Variants in MAPK15 observed in about 807,000 individuals in gnomAD.
MAPK15 encodes mitogen-activated protein kinase 15, also known as ERK-7.
MAPK15 carries 61 observed loss-of-function variants against 60.8 expected under a neutral mutation model. That is an observed-to-expected ratio of 1.00 (90% CI 0.82 to 1.24). MAPK15 has a LOEUF of 1.24. MAPK15 is among the 50% of genes most tolerant of loss of function. The pLI is 0.00. For missense variants in MAPK15, 808 were observed against 741.1 expected (o/e 1.09, Z -1.05); for synonymous variants, 356 against 319.9 (o/e 1.11, Z -1.21).
At position 143,721,670 on chromosome 8, in the gene MAPK15, G is replaced by A. The variant is rs369764211; in HGVS notation, c.1326G>A (p.Ser442=). The A allele has an allele frequency of 4.0e-5, 64 of 1,608,630 alleles. No individual in the cohort carries two copies. The highest frequency in any genetic ancestry group is 6.7e-5 in the African/African-American group (5 of 74,810). The change falls in exon 12 of 14, where the codon TCG becomes TCA. Residue 442 remains serine, a synonymous_variant. Transcript: ENST00000338033. ...AGGAAGCGCCCCCCTTGACACTCTCGCTGGTAAGTCATGGTGGGGCGGGCA... is the reference window on the plus strand; with the variant it reads ...AGGAAGCGCCCCCCTTGACACTCTCACTGGTAAGTCATGGTGGGGCGGGCA... ...GAKEAPPLTL[S]LVKPSGRGAA... is the part of the protein sequence containing the mutation.
At chr8:143,716,479 C>T (rs782767808) in intron 1 of MAPK15, 36 bp downstream of exon 1, 4 of 1,581,144 alleles carry the variant, frequency 2.5e-6, no homozygotes, top group South Asian at 1.1e-5. Flanking sequence ...CGCCGAGGGG[C>T]GCGGCAGATC....
At chr8:143,717,651 TG>T (rs782492034) in intron 1 of MAPK15, 42 bp from the exon 2 acceptor site, 2 of 1,495,800 alleles carry the variant, frequency 1.3e-6, no homozygotes, top group African/African-American at 1.4e-5. Flanking sequence ...GGGCAGGGGA[TG>T]GGGGGAAGGG....
Position 143,721,811 on chromosome 8 carries a change from G to A in MAPK15, c.1389G>A (p.Val463=). 5 of 1,612,468 alleles carry A rather than the reference G, an allele frequency of 3.1e-6. No homozygotes were observed. Among genetic ancestry groups the A allele is most frequent in the East Asian group, 4.5e-5 (2 of 44,868 alleles). The change falls in exon 13 of 14, where the codon GTG becomes GTA. Residue 463 remains valine (V), a synonymous_variant. Transcript: ENST00000338033. The stretch of plus-strand genomic sequence containing the variant: ...TGACCTCCCAGGCTGCGGCTCAGGT[G>A]GCCAACCAGGCCCTGATCCGGGGTG... ...PSLTSQAAAQ[V]ANQALIRGDW...
rs1817812213 is a variant in MAPK15, at chr8:143,716,446, G to A, written c.66+3G>A. ...TCAGGCGGCAGCTCGGGCAGGGGGT[G>A]AGTGCCTGGGGGTGCGTCCGCGCGC... On this transcript the variant is annotated splice_donor_region_variant and intron_variant, in intron 1 of 13. Coordinates refer to ENST00000338033, the MANE Select transcript of MAPK15 (RefSeq NM_139021.3). The A allele has an allele frequency of 6.2e-7, 1 of 1,600,840 alleles. No individual in the cohort carries two copies. Among genetic ancestry groups the A allele is most frequent in the African/African-American group, 1.4e-5 (1 of 73,464 alleles).
chr8:143,722,353 G>T lies in MAPK15; in HGVS notation c.*102G>T. The T allele has an allele frequency of 8.8e-7, 1 of 1,130,998 alleles. No homozygotes were observed. Among genetic ancestry groups the T allele is most frequent in the South Asian group, 1.7e-5 (1 of 60,406 alleles). 70.1% of individuals were successfully genotyped at this position (1,130,998 alleles called of 1,614,324 possible). A position where few individuals can be genotyped will look rare whatever the true frequency, so the allele number is the denominator to read the frequency against. ...CCCTTAGCCCTCCCTGCTTTGCCTG[G>T]CCCGTTGAAGTTCCAGGGAGCTTGC... On this transcript the variant is annotated 3_prime_UTR_variant, in exon 14 of 14. Transcript: ENST00000338033.
In MAPK15 at chr8:143,720,270, G is replaced by T; in HGVS notation, c.762G>T (p.Leu254=). Residue 254 remains leucine (L), a synonymous_variant, in exon 8 of 14, where the codon CTG becomes CTT. Transcript: ENST00000338033. This position sits in a 1 kb window ranked among gnomAD's most constrained non-coding sequence, Gnocchi z 4.6. ...ALGSGCRASV[L]HQLGSRPRQT... ...GCTCAGGCTGCCGTGCCTCTGTGCTGCACCAGCTGGGGTCCCGGTGAGTGG... is the reference window on the plus strand; with the variant it reads ...GCTCAGGCTGCCGTGCCTCTGTGCTTCACCAGCTGGGGTCCCGGTGAGTGG... 6.3e-7 allele frequency: 1 copy of T among 1,589,732 alleles called. No individual in the cohort carries two copies. The highest frequency in any genetic ancestry group is 1.1e-5 in the South Asian group (1 of 87,066).
intron 7 of MAPK15, among the ~76,000 whole-genome samples, chr8:143,719,788 T>A (rs2131578403): frequency 6.6e-6 from 1 of 152,066 alleles, no homozygotes; most frequent in East Asian, 1.9e-4. Flanking sequence ...GCAGGGACTG[T>A]CACTGTGCCG....
At chr8:143,719,193 C>A in intron 6 of MAPK15, 37 bp downstream of exon 6, 1 of 1,507,202 alleles carries the variant, frequency 6.6e-7, no homozygotes, top group Non-Finnish European at 8.9e-7. Flanking sequence ...CCTCCACCTC[C>A]CTGCTGCCCT....
chr8:143,717,176 A>G (rs1236266634), intron 1 of MAPK15, among the ~76,000 whole-genome samples: 2 of 152,056 alleles, frequency 1.3e-5, no homozygotes, highest in Admixed American at 6.5e-5. Context: ...GTGTCACTTT[A>G]CAAGGCCCAC....
At chr8:143,719,230 C>T in intron 6 of MAPK15, 74 bp downstream of exon 6, 2 of 1,506,620 alleles carry the variant, frequency 1.3e-6, no homozygotes, top group Non-Finnish European at 1.8e-6. Context: ...TCCCAGGCCT[C>T]CCGTACTCCG....
intron 3 of MAPK15, 24 bp from the exon 4 acceptor site, chr8:143,718,188 A>G: frequency 1.9e-6 from 3 of 1,613,686 alleles, no homozygotes; most frequent in Non-Finnish European, 2.5e-6. Flanking sequence ...CTGGCCTTCC[A>G]GCCGCCTCCG....
chr8:143,722,211 C>T lies in MAPK15; in HGVS notation c.1595C>T (p.Ala532Val), dbSNP rs1818111824. Reference protein sequence around the residue: ...SQAYGTVCHSALGHLPLLEGH... With the variant: ...SQAYGTVCHSVLGHLPLLEGH... Reference sequence around the variant, plus strand: ...GCCTACGGGACTGTCTGCCACTCGGCACTGGGCCACCTGCCCCTGCTGGAG... The same window carrying T: ...GCCTACGGGACTGTCTGCCACTCGGTACTGGGCCACCTGCCCCTGCTGGAG... Residue 532 changes from alanine (A) to valine (V), a missense_variant, in exon 14 of 14, where the codon GCA becomes GTA. Physicochemically the swap from Ala to Val is moderately conservative, Grantham distance 64 (BLOSUM62 0). Transcript: ENST00000338033. The T allele has an allele frequency of 6.2e-7, 1 of 1,602,828 alleles. No homozygotes were observed. The highest frequency in any genetic ancestry group is 8.5e-7 in the Non-Finnish European group (1 of 1,174,390).
At chr8:143,716,486 G>T in intron 1 of MAPK15, 43 bp downstream of exon 1, 1 of 1,571,628 alleles carries the variant, frequency 6.4e-7, no homozygotes, top group African/African-American at 1.4e-5. Context: ...GGGCGCGGCA[G>T]ATCTGCGGAG....
chr8:143,717,619 T>C (rs1244837520), intron 1 of MAPK15, 75 bp from the exon 2 acceptor site: 1 of 1,292,100 alleles, frequency 7.7e-7, no homozygotes, highest in East Asian at 2.5e-5. Flanking sequence ...AGGAGCCTCA[T>C]GTCTGTAGGG....
chr8:143,717,872 T>G (rs1817873502), intron 2 of MAPK15, 80 bp downstream of exon 2: 2 of 1,519,996 alleles, frequency 1.3e-6, no homozygotes, highest in Non-Finnish European at 9.1e-7. Context: ...GAAGCTCAGG[T>G]GGGAGCTGGA....
In MAPK15 at chr8:143,720,900, C is replaced by T. The variant is rs1274820361; in HGVS notation, c.917+60C>T. On this transcript the variant is annotated intron_variant, in intron 9 of 13. Coordinates refer to ENST00000338033, the MANE Select transcript of MAPK15 (RefSeq NM_139021.3). The surrounding 1 kb of genome is among the most constrained non-coding windows in gnomAD (Gnocchi z 4.6). ...GACAGAGGTGGGGGCAGGAGAGAGC[C>T]AGCCCATGAGGGACAGCCCCCACAG... The T allele has an allele frequency of 2.5e-6, 4 of 1,591,292 alleles. No homozygotes were observed. Among genetic ancestry groups the T allele is most frequent in the Non-Finnish European group, 2.6e-6 (3 of 1,169,256 alleles).
chr8:143,720,869 C>G lies in MAPK15; in HGVS notation c.917+29C>G, dbSNP rs202163463. ...GGGGTGGGAGAGAGTCCCCCAAGTGCGGGGGGACAGAGGTGGGGGCAGGAG... is the reference window on the plus strand; with the variant it reads ...GGGGTGGGAGAGAGTCCCCCAAGTGGGGGGGGACAGAGGTGGGGGCAGGAG... On this transcript the variant is annotated intron_variant, in intron 9 of 13. Transcript: ENST00000338033. This position sits in a 1 kb window ranked among gnomAD's most constrained non-coding sequence, Gnocchi z 4.6. 6 of 1,603,856 alleles carry G rather than the reference C, an allele frequency of 3.7e-6. No homozygotes were observed. The highest frequency in any genetic ancestry group is 5.1e-6 in the Non-Finnish European group (6 of 1,175,940).
At chr8:143,716,473 G>C (rs782016646) in intron 1 of MAPK15, 30 bp downstream of exon 1, 2 of 1,585,740 alleles carry the variant, frequency 1.3e-6, no homozygotes, top group Non-Finnish European at 8.6e-7. Flanking sequence ...TCCGCGCGCC[G>C]AGGGGCGCGG....
rs1817918084 is a variant in MAPK15, at chr8:143,718,835, C to A, written c.347C>A (p.Ser116Tyr). ...GGLLQDVHVR[S>Y]IFYQLLRATR... is the part of the protein sequence containing the mutation. ...CTGCTGCAGGACGTCCACGTGCGCT[C>A]CATCTTCTACCAGCTCCTGCGGGCC... is the stretch of plus-strand genomic sequence containing the variant. Residue 116 changes from serine to tyrosine, a missense_variant, in exon 5 of 14, where the codon TCC (serine) becomes TAC (tyrosine). Transcript: ENST00000338033. 1 of 1,612,332 alleles carries A rather than the reference C, an allele frequency of 6.2e-7. No individual in the cohort carries two copies. The highest frequency in any genetic ancestry group is 1.3e-5 in the African/African-American group (1 of 74,988).
Sources: gnomAD v4.1 joint callset for allele counts (sites outside exome capture counted in the v4.1 genomes callset) on GRCh38, gnomAD v4.1.1 for gene constraint, Gnocchi (gnomAD v3.1) non-coding constraint, MANE v1.5 for transcripts, NCBI Gene and HGNC (gene_info 2026-07-23, HGNC 2026-07-21) for gene names.